ATP2A1: variants seen among roughly 807,000 people sequenced by gnomAD.
The protein encoded by ATP2A1 is ATPase sarcoplasmic/endoplasmic reticulum Ca2+ transporting 1.
ATP2A1 carries 83 observed loss-of-function variants against 109.5 expected under a neutral mutation model. That is an observed-to-expected ratio of 0.76 (90% confidence interval 0.63 to 0.91). ATP2A1 has a LOEUF of 0.91. ATP2A1 is among the 40% of genes least tolerant of loss of function. The probability of loss-of-function intolerance (pLI) is 0.00; values close to 1 mark genes in which losing one functional copy is unlikely to be tolerated. For missense variants in ATP2A1, 1,101 were observed against 1,341.0 expected (o/e 0.82, Z 2.80); for synonymous variants, 505 against 537.6 (o/e 0.94, Z 0.84).
intron 12 of ATP2A1, among the ~76,000 whole-genome samples, chr16:28,896,975 G>T (rs984958240): frequency 6.6e-6 from 1 of 151,896 alleles, no homozygotes; most frequent in Non-Finnish European, 1.5e-5. Context: ...CAGCTACTTG[G>T]GGGGCTGAGG....
rs970604096 is a variant in ATP2A1 at position 28,902,241 on chromosome 16, A to G, written c.2379A>G (p.Leu793=). The G allele has an allele frequency of 6.2e-7, 1 of 1,614,042 alleles. No homozygotes were observed. The highest frequency in any genetic ancestry group is 1.7e-5 in the Admixed American group (1 of 60,004). Residue 793 remains leucine, a synonymous_variant, in exon 17 of 23, where the codon CTA becomes CTG. Transcript: ENST00000395503. The surrounding 1 kb of genome is among the most constrained non-coding windows in gnomAD (Gnocchi z 4.8). ...AGGCCCTGATCCCGGTGCAGCTGCT[A>G]TGGGTGAACTTGGTGACCGACGGGC... is the stretch of plus-strand genomic sequence containing the variant. ...LPEALIPVQL[L]WVNLVTDGLP...
chr16:28,882,391 C>T, intron 4 of ATP2A1, 60 bp from the exon 5 acceptor site: 1 of 1,597,424 alleles, frequency 6.3e-7, no homozygotes, highest in East Asian at 2.2e-5. Flanking sequence ...TGCCAGGAGC[C>T]ACAACTCCAT....
Position 28,900,744 on chromosome 16 carries a change from G to A in ATP2A1, c.1928G>A (p.Gly643Glu). 1 of 1,614,196 alleles carries A rather than the reference G, an allele frequency of 6.2e-7. No individual in the cohort carries two copies. Among genetic ancestry groups the A allele is most frequent in the Admixed American group, 1.7e-5 (1 of 60,026 alleles). ...IAICRRIGIF[G>E]ENEEVADRAY... ...ATCTGCCGGCGAATTGGCATCTTTG[G>A]GGAGAACGAGGAGGTGGCCGATCGC... Residue 643 changes from glycine (G) to glutamate (E), a missense_variant, in exon 15 of 23, where the codon GGG becomes GAG. Transcript: ENST00000395503.
At chr16:28,896,137 G>A (rs2152210446) in intron 12 of ATP2A1, among the ~76,000 whole-genome samples, 1 of 151,862 alleles carries the variant, frequency 6.6e-6, no homozygotes, top group East Asian at 1.9e-4. Flanking sequence ...CTGATGTTTT[G>A]TTCTTTTTAT....
intron 12 of ATP2A1, among the ~76,000 whole-genome samples, chr16:28,895,912 A>G (rs2152210325): frequency 6.6e-6 from 1 of 152,270 alleles, no homozygotes; most frequent in East Asian, 1.9e-4. Context: ...ATAGAGGACT[A>G]ATTTTTAAAA....
Position 28,898,520 on chromosome 16 carries a change from G to T in ATP2A1, c.1764+69G>T. 6.6e-7 allele frequency: 1 copy of T among 1,505,578 alleles called. No individual in the cohort carries two copies. The highest frequency in any genetic ancestry group is 9.1e-7 in the Non-Finnish European group (1 of 1,101,968). 93.3% of individuals were successfully genotyped at this position (1,505,578 alleles called of 1,614,324 possible). A position where few individuals can be genotyped will look rare whatever the true frequency, so the allele number is the denominator to read the frequency against. ...GCCGGGTCCCAGCCATCCACTCACA[G>T]CTCCACCACCCGGATCATTTCCTAC... On this transcript the variant is annotated intron_variant, in intron 14 of 22. Coordinates refer to ENST00000395503, the MANE Select transcript of ATP2A1 (RefSeq NM_004320.6). The surrounding 1 kb of genome is among the most constrained non-coding windows in gnomAD (Gnocchi z 4.0).
Position 28,902,926 on chromosome 16 carries a change from G to C in ATP2A1, c.2744+15G>C, listed in dbSNP as rs1964126109. 6.2e-7 allele frequency: 1 copy of C among 1,612,740 alleles called. No homozygotes were observed. The highest frequency in any genetic ancestry group is 8.5e-7 in the Non-Finnish European group (1 of 1,179,608). ...GCACTGAACAGGTGGGGGCCCCCCAGCTACACCCACCACCCTCCCCTGAGG... is the reference window on the plus strand; with the variant it reads ...GCACTGAACAGGTGGGGGCCCCCCACCTACACCCACCACCCTCCCCTGAGG... On this transcript the variant is annotated intron_variant, in intron 19 of 22. Transcript: ENST00000395503. The surrounding 1 kb of genome is among the most constrained non-coding windows in gnomAD (Gnocchi z 4.8).
At chr16:28,888,691 C>T (rs1362886664) in intron 8 of ATP2A1, 96 bp from the exon 9 acceptor site, 2 of 1,436,804 alleles carry the variant, frequency 1.4e-6, no homozygotes, top group East Asian at 4.6e-5. Flanking sequence ...AGGTGTGCAC[C>T]AACGTGCCCA....
rs957104861 is a variant in ATP2A1 at position 28,878,697 on chromosome 16, C to T, written c.26C>T (p.Thr9Met). Residue 9 changes from threonine to methionine, a missense_variant, in exon 1 of 23, where the codon ACG becomes ATG. Coordinates refer to ENST00000395503, the MANE Select transcript of ATP2A1 (RefSeq NM_004320.6). ...ATGGAGGCCGCTCATGCTAAAACCA[C>T]GGAGGAATGTTTGGCCTATTTTGGG... MEAAHAKT[T>M]EECLAYFGVS... 8.1e-6 allele frequency: 13 copies of T among 1,608,584 alleles called. No homozygotes were observed. Among genetic ancestry groups the T allele is most frequent in the South Asian group, 1.1e-5 (1 of 90,186 alleles).
chr16:28,888,264 C>T (rs977934084), intron 8 of ATP2A1, among the ~76,000 whole-genome samples: 5 of 151,418 alleles, frequency 3.3e-5, no homozygotes, highest in Non-Finnish European at 7.4e-5. Flanking sequence ...AACTCCTGGG[C>T]TCAAGCAATC....
In ATP2A1 at chr16:28,894,139, C is replaced by T. The variant is rs528297727; in HGVS notation, c.1096-16C>T. 3 of 1,610,914 alleles carry T rather than the reference C, an allele frequency of 1.9e-6. No homozygotes were observed. The highest frequency in any genetic ancestry group is 1.3e-5 in the African/African-American group (1 of 74,888). The stretch of plus-strand genomic sequence containing the variant: ...GAAGAGGTGGACATCTGTGTGCCTG[C>T]CCTTCTCCCCTGCAGATGTTTATCA... On this transcript the variant is annotated splice_polypyrimidine_tract_variant and intron_variant, in intron 9 of 22. Transcript: ENST00000395503.
chr16:28,891,008 A>G (rs1416689623), intron 9 of ATP2A1, among the ~76,000 whole-genome samples: 1 of 152,052 alleles, frequency 6.6e-6, no homozygotes, highest in Non-Finnish European at 1.5e-5. Flanking sequence ...TTAAAAATAC[A>G]TAGGAAGCTG....
intron 14 of ATP2A1, among the ~76,000 whole-genome samples, chr16:28,899,338 T>C (rs1054305326): frequency 6.6e-6 from 1 of 152,218 alleles, no homozygotes; most frequent in Non-Finnish European, 1.5e-5. Flanking sequence ...GTTCACGTTC[T>C]TTCTATGAAA....
intron 15 of ATP2A1, among the ~76,000 whole-genome samples, chr16:28,901,207 A>G (rs1567491041): frequency 6.6e-6 from 1 of 151,574 alleles, no homozygotes; most frequent in Admixed American, 6.6e-5. Flanking sequence ...ACAGTGGCAC[A>G]TATTTGTGGT....
At position 28,902,918 on chromosome 16, in the gene ATP2A1, G is replaced by GC. The variant is rs761378823; in HGVS notation, c.2744+13dup. 1.2e-6 allele frequency: 2 copies of GC among 1,613,498 alleles called. No homozygotes were observed. Among genetic ancestry groups the GC allele is most frequent in the African/African-American group, 1.3e-5 (1 of 74,816 alleles). ...TGTGCAATGCACTGAACAGGTGGGG[G>GC]CCCCCCAGCTACACCCACCACCCTC... is the stretch of plus-strand genomic sequence containing the variant. On this transcript the variant is annotated splice_region_variant and intron_variant, in intron 19 of 22. Coordinates refer to ENST00000395503, the MANE Select transcript of ATP2A1 (RefSeq NM_004320.6). The surrounding 1 kb of genome is among the most constrained non-coding windows in gnomAD (Gnocchi z 4.8).
intron 6 of ATP2A1, among the ~76,000 whole-genome samples, chr16:28,885,249 C>CAA (rs560935121): frequency 5.7e-5 from 7 of 122,334 alleles, no homozygotes; most frequent in African/African-American, 1.2e-4. Context: ...GACCCCATCT[C>CAA]AAAAAAAAAA....
intron 4 of ATP2A1, among the ~76,000 whole-genome samples, chr16:28,882,100 C>G: frequency 2.2e-5 from 2 of 90,372 alleles, no homozygotes; most frequent in East Asian, 6.2e-4. Flanking sequence ...CTACGCCCGG[C>G]TTTTTTTTTT....
rs1242932628 is a variant in ATP2A1, at chr16:28,878,804, G to C, written c.118+15G>C. 1 of 1,612,564 alleles carries C rather than the reference G, an allele frequency of 6.2e-7. No individual in the cohort carries two copies. The highest frequency in any genetic ancestry group is 8.5e-7 in the Non-Finnish European group (1 of 1,178,738). On this transcript the variant is annotated intron_variant, in intron 1 of 22. Coordinates refer to ENST00000395503, the MANE Select transcript of ATP2A1 (RefSeq NM_004320.6). ...CGGCCTCAATGGTAAGTGTCCCTTG[G>C]AAGAGCGGCTGGTAATTAATGCCCT...
Position 28,879,584 on chromosome 16 carries a change from G to C in ATP2A1, c.219+1G>C, listed in dbSNP as rs1963393226. The stretch of plus-strand genomic sequence containing the variant: ...CCTCCTGGCCGCATGCATTTCCTTC[G>C]TAAGTGTGGGAGGGTCTCTGGGGGC... On this transcript the variant is annotated splice_donor_variant, in intron 3 of 22. Coordinates refer to ENST00000395503, the MANE Select transcript of ATP2A1 (RefSeq NM_004320.6). LOFTEE classifies it high-confidence loss of function. The C allele has an allele frequency of 1.9e-6, 3 of 1,613,960 alleles. No homozygotes were observed. Among genetic ancestry groups the C allele is most frequent in the Non-Finnish European group, 2.5e-6 (3 of 1,179,984 alleles).
Sources: allele counts gnomAD v4.1 joint callset (sites outside exome capture counted in the v4.1 genomes callset), GRCh38; gene constraint gnomAD v4.1.1; non-coding constraint Gnocchi (gnomAD v3.1); transcripts MANE v1.5; gene names NCBI Gene and HGNC (gene_info 2026-07-23, HGNC 2026-07-21).